OR5AS1: variants seen among roughly 807,000 people sequenced by gnomAD.
OR5AS1 encodes olfactory receptor 5AS1.
For synonymous variants in OR5AS1, 196 were observed against 141.7 expected, an observed-to-expected ratio of 1.38 and a Z score of -2.72; for missense variants, 492 against 378.2, an observed-to-expected ratio of 1.30 and a Z score of -2.50.
Position 56,030,949 on chromosome 11 carries a change from T to C in OR5AS1, c.531T>C (p.Phe177=), listed in dbSNP as rs1853343269. ...SFCGSNIVNH[F]FCDIPPLLAL... ...GTGGCTCCAATATCGTCAATCATTT[T>C]TTCTGTGATATCCCACCTCTTCTGG... The change falls in exon 2 of 2, where the codon TTT becomes TTC. Residue 177 remains phenylalanine (F), a synonymous_variant. Transcript: ENST00000641320. The C allele has an allele frequency of 1.9e-6, 3 of 1,614,194 alleles. No individual in the cohort carries two copies. Among genetic ancestry groups the C allele is most frequent in the Non-Finnish European group, 2.5e-6 (3 of 1,180,034 alleles).
At position 56,031,142 on chromosome 11, in the gene OR5AS1, G is replaced by T; in HGVS notation, c.724G>T (p.Ala242Ser). 6.2e-7 allele frequency: 1 copy of T among 1,614,042 alleles called. No individual in the cohort carries two copies. The highest frequency in any genetic ancestry group is 1.1e-5 in the South Asian group (1 of 91,080). Residue 242 changes from alanine (A) to serine (S), a missense_variant, in exon 2 of 2, where the codon GCT becomes TCT. Coordinates refer to ENST00000641320, the MANE Select transcript of OR5AS1 (RefSeq NM_001001921.2). ...CAGAAGCAAAACATTCTCCACTTGT[G>T]CTTCCCACCTCATAGCAGTCACCTT... is the stretch of plus-strand genomic sequence containing the variant. ...GGRSKTFSTCASHLIAVTLFY... is the reference protein window; with the variant it reads ...GGRSKTFSTCSSHLIAVTLFY...
At chr11:56,030,246 A>C in intron 1 of OR5AS1, 145 bp from the exon 2 acceptor site, 8 of 407,178 alleles carry the variant, frequency 2.0e-5, no homozygotes, top group Non-Finnish European at 4.3e-6. Context: ...CCTTTAATCA[A>C]ATGACAAAAT....
rs1050619871 is a variant in OR5AS1 at position 56,035,391 on chromosome 11, A to G, written c.*3998A>G. The stretch of plus-strand genomic sequence containing the variant: ...GACCGATCTCATGTGCAAAGCATAC[A>G]TAGGCTCAAAATAACGGGATGGAGG... On this transcript the variant is annotated 3_prime_UTR_variant, in exon 2 of 2. Transcript: ENST00000641320. The G allele has an allele frequency of 2.0e-5, 3 of 152,262 alleles. No individual in the cohort carries two copies. Among genetic ancestry groups the G allele is most frequent in the Non-Finnish European group, 4.4e-5 (3 of 68,022 alleles). The allele number at this position is 152,262 out of a possible 1,614,324, so 9.4% of individuals were successfully genotyped here. A position where few individuals can be genotyped will look rare whatever the true frequency, so the allele number is the denominator to read the frequency against.
intron 1 of OR5AS1, 145 bp downstream of exon 1, chr11:56,027,857 T>A (rs554660511): frequency 2.6e-5 from 4 of 151,786 alleles, no homozygotes; most frequent in African/African-American, 9.7e-5. Context: ...TGTATGTATG[T>A]GGGCTAAGAG....
In OR5AS1 at chr11:56,035,416, G is replaced by A. The variant is rs545715459; in HGVS notation, c.*4023G>A. ...ATAGGCTCAAAATAACGGGATGGAG[G>A]AATATTTACCAAGCAAATGGATAGC... On this transcript the variant is annotated 3_prime_UTR_variant, in exon 2 of 2. Transcript: ENST00000641320. The A allele has an allele frequency of 2.0e-5, 3 of 149,656 alleles. No individual in the cohort carries two copies. Among genetic ancestry groups the A allele is most frequent in the African/African-American group, 7.4e-5 (3 of 40,614 alleles). 9.3% of individuals were successfully genotyped at this position (149,656 alleles called of 1,614,324 possible).
rs1853419377 is a variant in OR5AS1, at chr11:56,037,514, T to C, written c.*6121T>C. 1 of 151,974 alleles carries C rather than the reference T, an allele frequency of 6.6e-6. No individual in the cohort carries two copies. The highest frequency in any genetic ancestry group is 2.4e-5 in the African/African-American group (1 of 41,316). The allele number at this position is 151,974 out of a possible 1,614,324, so 9.4% of individuals were successfully genotyped here. A position where few individuals can be genotyped will look rare whatever the true frequency, so the allele number is the denominator to read the frequency against. On this transcript the variant is annotated 3_prime_UTR_variant, in exon 2 of 2. Coordinates refer to ENST00000641320, the MANE Select transcript of OR5AS1 (RefSeq NM_001001921.2). ...CGAATGAACTGCCATTCACAATTGCTACAAAAGAGTGTAAAATACCTAGAA... is the reference window on the plus strand; with the variant it reads ...CGAATGAACTGCCATTCACAATTGCCACAAAAGAGTGTAAAATACCTAGAA...
At chr11:56,029,825 C>A (rs1027984821) in intron 1 of OR5AS1, among the ~76,000 whole-genome samples, 3 of 151,832 alleles carry the variant, frequency 2.0e-5, no homozygotes, top group Non-Finnish European at 2.9e-5. Context: ...ATAACTATAC[C>A]AAAGTCACAC....
Position 56,038,085 on chromosome 11 carries a change from G to A in OR5AS1, c.*6692G>A, listed in dbSNP as rs1853427432. Reference sequence around the variant, plus strand: ...TAGCCATATGCAGAAAGCAGAAACTGGACCCCTTCCTTATATCTTATACAA... The same window carrying A: ...TAGCCATATGCAGAAAGCAGAAACTAGACCCCTTCCTTATATCTTATACAA... On this transcript the variant is annotated 3_prime_UTR_variant, in exon 2 of 2. Coordinates refer to ENST00000641320, the MANE Select transcript of OR5AS1 (RefSeq NM_001001921.2). 1 of 152,090 alleles carries A rather than the reference G, an allele frequency of 6.6e-6. No individual in the cohort carries two copies. Among genetic ancestry groups the A allele is most frequent in the South Asian group, 2.1e-4 (1 of 4,834 alleles). The allele number at this position is 152,090 out of a possible 1,614,324, so 9.4% of individuals were successfully genotyped here.
chr11:56,029,260 C>T (rs759472689), intron 1 of OR5AS1, among the ~76,000 whole-genome samples: 6 of 152,058 alleles, frequency 3.9e-5, no homozygotes, highest in Non-Finnish European at 8.8e-5. Context: ...GCTTAATATT[C>T]CATTCGCATT....
chr11:56,034,087 A>G lies in OR5AS1; in HGVS notation c.*2694A>G, dbSNP rs909906619. The G allele has an allele frequency of 1.3e-5, 2 of 152,164 alleles. No individual in the cohort carries two copies. The highest frequency in any genetic ancestry group is 2.9e-5 in the Non-Finnish European group (2 of 68,058). 9.4% of individuals were successfully genotyped at this position (152,164 alleles called of 1,614,324 possible). Reference sequence around the variant, plus strand: ...ATCAACAAAAAGGACGTCCACTCAGAAACTCCACCACCAACATCAAAGACC... The same window carrying G: ...ATCAACAAAAAGGACGTCCACTCAGGAACTCCACCACCAACATCAAAGACC... On this transcript the variant is annotated 3_prime_UTR_variant, in exon 2 of 2. Coordinates refer to ENST00000641320, the MANE Select transcript of OR5AS1 (RefSeq NM_001001921.2).
In OR5AS1 at chr11:56,031,326, AG is replaced by A. The variant is rs1853349260; in HGVS notation, c.909del (p.Lys303AsnfsTer3). The A allele has an allele frequency of 1.9e-6, 3 of 1,594,720 alleles. No individual in the cohort carries two copies. The highest frequency in any genetic ancestry group is 3.4e-4 in the Middle Eastern group (2 of 5,904). On this transcript the variant is annotated frameshift_variant, in exon 2 of 2. Coordinates refer to ENST00000641320, the MANE Select transcript of OR5AS1 (RefSeq NM_001001921.2). LOFTEE classifies it low-confidence loss of function (END_TRUNC). ...RNKDVKNALK[K>X]LLERIGYSNE... ...AAGGATGTGAAAAATGCTCTCAAAA[AG>A]CTATTAGAAAGAATTGGATATTCAA... is the stretch of plus-strand genomic sequence containing the variant.
In OR5AS1 at chr11:56,032,906, C is replaced by T. The variant is rs1049311538; in HGVS notation, c.*1513C>T. 1 of 152,172 alleles carries T rather than the reference C, an allele frequency of 6.6e-6. No homozygotes were observed. The highest frequency in any genetic ancestry group is 1.5e-5 in the Non-Finnish European group (1 of 68,114). The allele number at this position is 152,172 out of a possible 1,614,324, so 9.4% of individuals were successfully genotyped here. A position where few individuals can be genotyped will look rare whatever the true frequency, so the allele number is the denominator to read the frequency against. The stretch of plus-strand genomic sequence containing the variant: ...CAACAGAGAAGGTGGGTGATTTCTG[C>T]ATTTCCAACTGAGGTACCTGGCTCA... On this transcript the variant is annotated 3_prime_UTR_variant, in exon 2 of 2. Coordinates refer to ENST00000641320, the MANE Select transcript of OR5AS1 (RefSeq NM_001001921.2).
At position 56,030,864 on chromosome 11, in the gene OR5AS1, A is replaced by G. The variant is rs1305318553; in HGVS notation, c.446A>G (p.Tyr149Cys). The change falls in exon 2 of 2, where the codon TAT (tyrosine) becomes TGT (cysteine). Residue 149 changes from tyrosine (Y) to cysteine (C), a missense_variant. Physicochemically the swap from Tyr to Cys is radical, Grantham distance 194 (BLOSUM62 -2). Transcript: ENST00000641320. ...RVCVCFIVLA[Y>C]FSGSTTSLVH... ...TGTGTCTGCTTCATTGTGTTGGCAT[A>G]TTTCAGTGGAAGTACAACATCACTG... 1 of 1,614,050 alleles carries G rather than the reference A, an allele frequency of 6.2e-7. No homozygotes were observed. The highest frequency in any genetic ancestry group is 8.5e-7 in the Non-Finnish European group (1 of 1,179,980).
intron 1 of OR5AS1, among the ~76,000 whole-genome samples, chr11:56,029,231 C>A (rs1044994303): frequency 6.6e-6 from 1 of 151,998 alleles, no homozygotes; most frequent in African/African-American, 2.4e-5. Context: ...CTTCTCACTT[C>A]CAAATGATCT....
At position 56,030,978 on chromosome 11, in the gene OR5AS1, T is replaced by C; in HGVS notation, c.560T>C (p.Leu187Ser). The change falls in exon 2 of 2, where the codon TTA (leucine) becomes TCA (serine). Residue 187 changes from leucine (L) to serine (S), a missense_variant. Physicochemically the swap from Leu to Ser is moderately radical, Grantham distance 145 (BLOSUM62 -2). Coordinates refer to ENST00000641320, the MANE Select transcript of OR5AS1 (RefSeq NM_001001921.2). ...TGTGATATCCCACCTCTTCTGGCTT[T>C]ATCATGTACAGACACTCAGATCAAC... is the stretch of plus-strand genomic sequence containing the variant. ...FFCDIPPLLA[L>S]SCTDTQINQL... 1 of 1,614,186 alleles carries C rather than the reference T, an allele frequency of 6.2e-7. No homozygotes were observed. The highest frequency in any genetic ancestry group is 8.5e-7 in the Non-Finnish European group (1 of 1,180,036).
Position 56,031,368 on chromosome 11 carries a change from A to G in OR5AS1, c.950A>G (p.Asn317Ser). ...GGATATTCAAATGAATGGTATTTAA[A>G]TCGTTTAAGAATAGTCAATATCTAA... Reference protein sequence around the residue: ...RIGYSNEWYLNRLRIVNI With the variant: ...RIGYSNEWYLSRLRIVNI Residue 317 changes from asparagine to serine, a missense_variant, in exon 2 of 2, where the codon AAT (asparagine) becomes AGT (serine). Transcript: ENST00000641320. 6.5e-7 allele frequency: 1 copy of G among 1,549,010 alleles called. No homozygotes were observed. Among genetic ancestry groups the G allele is most frequent in the South Asian group, 1.2e-5 (1 of 83,644 alleles).
Position 56,031,270 on chromosome 11 carries a change from G to T in OR5AS1, c.852G>T (p.Met284Ile). The T allele has an allele frequency of 6.2e-7, 1 of 1,613,302 alleles. No homozygotes were observed. The highest frequency in any genetic ancestry group is 2.2e-5 in the East Asian group (1 of 44,860). ...TGTTTTATACTGTTGTATTTCCCATGTTTAATCCAATAATTTATAGTTTCA... is the reference window on the plus strand; with the variant it reads ...TGTTTTATACTGTTGTATTTCCCATTTTTAATCCAATAATTTATAGTTTCA... Reference protein sequence around the residue: ...VAVFYTVVFPMFNPIIYSFRN... With the variant: ...VAVFYTVVFPIFNPIIYSFRN... Residue 284 changes from methionine to isoleucine, a missense_variant, in exon 2 of 2, where the codon ATG becomes ATT. Transcript: ENST00000641320.
rs1853412297 is a variant in OR5AS1 at position 56,036,974 on chromosome 11, A to G, written c.*5581A>G. 1.3e-5 allele frequency: 2 copies of G among 152,188 alleles called. No individual in the cohort carries two copies. Among genetic ancestry groups the G allele is most frequent in the South Asian group, 2.1e-4 (1 of 4,832 alleles). 9.4% of individuals were successfully genotyped at this position (152,188 alleles called of 1,614,324 possible). On this transcript the variant is annotated 3_prime_UTR_variant, in exon 2 of 2. Coordinates refer to ENST00000641320, the MANE Select transcript of OR5AS1 (RefSeq NM_001001921.2). ...AGGCTGGCTTAACATACGCAAATCA[A>G]TAAACGTAACCCATCTCATAAACAG...
intron 1 of OR5AS1, among the ~76,000 whole-genome samples, chr11:56,029,085 G>T (rs1853322187): frequency 6.6e-6 from 1 of 152,024 alleles, no homozygotes; most frequent in Non-Finnish European, 1.5e-5. Context: ...AAGAAGGCTG[G>T]CTTCTCTTTT....
Sources: gnomAD v4.1 joint callset for allele counts (sites outside exome capture counted in the v4.1 genomes callset) on GRCh38, gnomAD v4.1.1 for gene constraint, MANE v1.5 for transcripts, NCBI Gene and HGNC (gene_info 2026-07-23, HGNC 2026-07-21) for gene names.